The following MTUS2 variants were observed in gnomAD, a reference collection of about 807,000 sequenced individuals.
MTUS2 encodes microtubule associated scaffold protein 2.
In MTUS2, 40 loss-of-function variants were observed where a neutral mutation model predicts 114.1. The ratio of observed to expected loss-of-function variants is 0.35; its 90% CI spans 0.27 to 0.46. The LOEUF is 0.46. MTUS2 is among the 20% of genes least tolerant of loss of function. The pLI, the probability that MTUS2 is intolerant of heterozygous loss-of-function variation, is 1.00. For synonymous variants in MTUS2, 688 were observed against 672.0 expected (o/e 1.02, Z -0.37); for missense variants, 1,679 against 1,705.4 (o/e 0.98, Z 0.27).
intron 5 of MTUS2, among the ~76,000 whole-genome samples, chr13:29,269,014 G>T (rs772601674): frequency 1.3e-5 from 2 of 152,082 alleles, no homozygotes; most frequent in African/African-American, 2.4e-5. Flanking sequence ...TATATTTATT[G>T]TCTATCCCCA....
intron 5 of MTUS2, among the ~76,000 whole-genome samples, chr13:29,182,415 C>T (rs768999720): frequency 1.2e-4 from 19 of 152,246 alleles, no homozygotes; most frequent in Non-Finnish European, 2.6e-4. Flanking sequence ...GTAACATGTA[C>T]GTAGTTTAGT....
chr13:28,917,493 T>A (rs1259760044), intron 2 of MTUS2, among the ~76,000 whole-genome samples: 1 of 151,712 alleles, frequency 6.6e-6, no homozygotes, highest in Non-Finnish European at 1.5e-5. Context: ...TCTTGGTAGG[T>A]TGTGTATGTC....
At chr13:28,935,438 A>G (rs1026416328) in intron 2 of MTUS2, among the ~76,000 whole-genome samples, 9 of 151,760 alleles carry the variant, frequency 5.9e-5, no homozygotes, top group Admixed American at 1.3e-4. Context: ...TTGTACTTCT[A>G]CTTGTTCTAC....
intron 4 of MTUS2, among the ~76,000 whole-genome samples, chr13:29,047,892 A>AAGTTTCATATAAATGAG (rs1887709636): frequency 6.6e-6 from 1 of 152,164 alleles, no homozygotes; most frequent in Non-Finnish European, 1.5e-5. Flanking sequence ...TAAACTCTGG[A>AAGTTTCATATAAATGAG]AGTTTCATAT....
chr13:29,234,963 A>G (rs1192032988), intron 5 of MTUS2, among the ~76,000 whole-genome samples: 1 of 152,130 alleles, frequency 6.6e-6, no homozygotes, highest in Non-Finnish European at 1.5e-5. Context: ...TCTTAAACTA[A>G]TCAAGCTGTC....
chr13:29,470,120 C>T (rs1483967336), intron 9 of MTUS2, among the ~76,000 whole-genome samples: 1 of 152,144 alleles, frequency 6.6e-6, no homozygotes, highest in Non-Finnish European at 1.5e-5. Context: ...TACAGACCCT[C>T]AGGGAGAAAA....
chr13:29,292,100 A>C (rs1898740885), intron 6 of MTUS2, among the ~76,000 whole-genome samples: 2 of 152,198 alleles, frequency 1.3e-5, no homozygotes, highest in South Asian at 2.1e-4. Context: ...ATCCCAAATA[A>C]TTGGATTTCT....
chr13:29,383,804 A>T (rs1256494078), intron 8 of MTUS2, among the ~76,000 whole-genome samples: 1 of 152,216 alleles, frequency 6.6e-6, no homozygotes, highest in Non-Finnish European at 1.5e-5. Flanking sequence ...GCACCTGGAG[A>T]TGCAGCATCT....
At chr13:29,340,535 T>C (rs749049388) in intron 7 of MTUS2, among the ~76,000 whole-genome samples, 6 of 150,448 alleles carry the variant, frequency 4.0e-5, no homozygotes, top group Non-Finnish European at 1.5e-5. Context: ...GGTTTTGTTT[T>C]AGCACAGGCA....
chr13:29,411,660 G>A (rs189314858), intron 8 of MTUS2, among the ~76,000 whole-genome samples: 34 of 152,196 alleles, frequency 2.2e-4, no homozygotes, highest in African/African-American at 8.2e-4. Flanking sequence ...TTAACCTAGT[G>A]AGAACTGACA....
At chr13:29,050,149 G>A (rs1032270111) in intron 4 of MTUS2, among the ~76,000 whole-genome samples, 1 of 152,094 alleles carries the variant, frequency 6.6e-6, no homozygotes, top group Non-Finnish European at 1.5e-5. Context: ...CCAGATTCAA[G>A]AGCCTGGGTC....
At chr13:29,167,406 A>G (rs1309478927) in intron 5 of MTUS2, among the ~76,000 whole-genome samples, 1 of 116,648 alleles carries the variant, frequency 8.6e-6, no homozygotes, top group East Asian at 2.5e-4. Context: ...CTAATAATGT[A>G]ACCACTTTTT....
At chr13:28,825,884 G>A (rs1874236437) in intron 1 of MTUS2, among the ~76,000 whole-genome samples, 1 of 152,168 alleles carries the variant, frequency 6.6e-6, no homozygotes. Flanking sequence ...TGGCATTGGG[G>A]AGGTGGCATT....
At chr13:29,245,760 G>A (rs1169458472) in intron 5 of MTUS2, among the ~76,000 whole-genome samples, 2 of 143,706 alleles carry the variant, frequency 1.4e-5, no homozygotes, top group Non-Finnish European at 1.5e-5. Context: ...GCAGTGGCAC[G>A]ACCTCCGCTC....
At chr13:28,870,513 T>C (rs1877557467) in intron 2 of MTUS2, among the ~76,000 whole-genome samples, 1 of 152,206 alleles carries the variant, frequency 6.6e-6, no homozygotes, top group South Asian at 2.1e-4. Context: ...TCTCCTTACA[T>C]TGACTGCCCA....
At chr13:29,214,837 C>T (rs192039955) in intron 5 of MTUS2, among the ~76,000 whole-genome samples, 5 of 152,180 alleles carry the variant, frequency 3.3e-5, no homozygotes, top group Middle Eastern at 3.4e-3. Flanking sequence ...GATTATGTGT[C>T]TTGGGGTTGC....
intron 4 of MTUS2, among the ~76,000 whole-genome samples, chr13:29,061,475 T>C (rs326524): frequency 0.59 from 90,095 of 152,070 alleles, 27,451 homozygotes; most frequent in Non-Finnish European, 0.68. Context: ...TGTTAAATTA[T>C]GCATGCAGAT....
chr13:29,382,998 G>T (rs185857543), intron 8 of MTUS2, among the ~76,000 whole-genome samples: 3 of 152,174 alleles, frequency 2.0e-5, no homozygotes, highest in Non-Finnish European at 4.4e-5. Flanking sequence ...ACACTAAGCC[G>T]TGTGGGGACG....
chr13:28,900,725 G>A (rs930821846), intron 2 of MTUS2, among the ~76,000 whole-genome samples: 3 of 152,132 alleles, frequency 2.0e-5, no homozygotes, highest in South Asian at 2.1e-4. Context: ...AAGCTGTTAC[G>A]AACATACATT....
Sources: gnomAD v4.1 joint callset for allele counts (sites outside exome capture counted in the v4.1 genomes callset) on GRCh38, gnomAD v4.1.1 for gene constraint, MANE v1.5 for transcripts, NCBI Gene and HGNC (gene_info 2026-07-23, HGNC 2026-07-21) for gene names.